The following GAS2 variants were observed in gnomAD, a reference collection of about 807,000 sequenced individuals.
GAS2 encodes growth arrest specific 2, also known as growth arrest-specific protein 2.
In GAS2, 20 loss-of-function variants were observed where a neutral mutation model predicts 37.5. The ratio of observed to expected loss-of-function variants is 0.53; its 90% CI spans 0.37 to 0.77. The LOEUF (loss-of-function observed/expected upper bound fraction) is 0.77. Among genes scored for constraint, GAS2 ranks in the 30% least tolerant of loss-of-function variants. The pLI, the probability that GAS2 is intolerant of heterozygous loss-of-function variation, is 0.00. For synonymous variants in GAS2, 144 were observed against 132.2 expected (o/e 1.09, Z -0.61); for missense variants, 336 against 373.4 (o/e 0.90, Z 0.82).
At chr11:22,793,378 A>G (rs1856269734) in intron 7 of GAS2, among the ~76,000 whole-genome samples, 2 of 152,216 alleles carry the variant, frequency 1.3e-5, no homozygotes, top group African/African-American at 4.8e-5. Flanking sequence ...ATTTTCTTCT[A>G]TGTTCATTAA....
chr11:22,668,697 C>T (rs555926228), intron 1 of GAS2, among the ~76,000 whole-genome samples: 2 of 152,258 alleles, frequency 1.3e-5, no homozygotes, highest in South Asian at 4.1e-4. Flanking sequence ...TTGTGTGTTA[C>T]TTAGAAATCT....
intron 6 of GAS2, among the ~76,000 whole-genome samples, chr11:22,754,738 C>T (rs145199903): frequency 1.4e-3 from 220 of 152,108 alleles, no homozygotes; most frequent in African/African-American, 5.0e-3. Context: ...ACTCTCTGCA[C>T]AGTTTTTGCT....
chr11:22,790,361 A>T (rs902453423), intron 7 of GAS2, among the ~76,000 whole-genome samples: 3 of 151,842 alleles, frequency 2.0e-5, no homozygotes, highest in Non-Finnish European at 2.9e-5. Context: ...AAAGTATAAT[A>T]AAAAAAATAG....
chr11:22,633,138 A>G (rs1858767478), intron 1 of GAS2, among the ~76,000 whole-genome samples: 1 of 152,114 alleles, frequency 6.6e-6, no homozygotes, highest in African/African-American at 2.4e-5. Flanking sequence ...ATGTTTTTAC[A>G]TATTGCTAGA....
At chr11:22,783,162 T>C (rs1038286392) in intron 7 of GAS2, among the ~76,000 whole-genome samples, 2 of 152,186 alleles carry the variant, frequency 1.3e-5, no homozygotes, top group Non-Finnish European at 2.9e-5. Flanking sequence ...TAGCATCTCA[T>C]TGTGGCTTTG....
In GAS2 at chr11:22,745,118, C is replaced by CAGA. The variant is rs374832037; in HGVS notation, c.474-4001_474-4000insGAA. 1.5e-4 allele frequency among the ~76,000 whole-genome samples: 19 copies of CAGA among 129,018 alleles called. No individual in the cohort carries two copies. The East Asian group carries it at 2.4e-3, about 17-fold the overall frequency. The allele number at this position is 129,018 out of a possible 152,430, so 84.6% of individuals were successfully genotyped here. On this transcript the variant is annotated intron_variant, in intron 5 of 7. Transcript: ENST00000454584. The stretch of plus-strand genomic sequence containing the variant: ...AAGTATTCTAAAATTCATTTGGAAC[C>CAGA]AAAAAAAAAAAAAAAGAAAGAAAAA...
At chr11:22,738,784 C>T (rs888277731) in intron 5 of GAS2, among the ~76,000 whole-genome samples, 1 of 152,154 alleles carries the variant, frequency 6.6e-6, no homozygotes, top group Admixed American at 6.5e-5. Flanking sequence ...GAATATGTAA[C>T]CTCAAGTTCT....
chr11:22,706,999 G>C (rs1851158296), intron 3 of GAS2, among the ~76,000 whole-genome samples: 2 of 152,070 alleles, frequency 1.3e-5, no homozygotes, highest in Admixed American at 1.3e-4. Context: ...AGCACCTGTT[G>C]TTTCCTGACT....
At chr11:22,771,578 T>C (rs1333022298) in intron 7 of GAS2, among the ~76,000 whole-genome samples, 1 of 152,170 alleles carries the variant, frequency 6.6e-6, no homozygotes, top group Admixed American at 6.5e-5. Context: ...TGAGGTTGCA[T>C]TGCACATAGG....
chr11:22,638,818 T>A (rs1858873962), intron 1 of GAS2, among the ~76,000 whole-genome samples: 1 of 152,082 alleles, frequency 6.6e-6, no homozygotes, highest in South Asian at 2.1e-4. Context: ...TATGAACAAG[T>A]AGAATTGGAC....
chr11:22,796,455 C>T (rs999655457), intron 7 of GAS2, among the ~76,000 whole-genome samples: 1 of 152,134 alleles, frequency 6.6e-6, no homozygotes, highest in East Asian at 1.9e-4. Flanking sequence ...ATTTTATCCT[C>T]TCAACTTCCC....
At chr11:22,760,520 C>G (rs945212069) in intron 7 of GAS2, among the ~76,000 whole-genome samples, 5 of 152,112 alleles carry the variant, frequency 3.3e-5, no homozygotes, top group Admixed American at 1.3e-4. Context: ...CAACGCAATT[C>G]AAAATCATTT....
chr11:22,729,940 T>C (rs1402792176), intron 4 of GAS2, among the ~76,000 whole-genome samples: 1 of 151,778 alleles, frequency 6.6e-6, no homozygotes, highest in Non-Finnish European at 1.5e-5. Flanking sequence ...TTTGATTAAG[T>C]TGTTCTGCTT....
intron 1 of GAS2, among the ~76,000 whole-genome samples, chr11:22,649,908 T>A (rs1396514455): frequency 2.6e-5 from 4 of 152,110 alleles, no homozygotes; most frequent in Non-Finnish European, 2.9e-5. Flanking sequence ...TTTTTGTGTC[T>A]CTATTTCCTT....
At chr11:22,748,668 A>G (rs1039338509) in intron 5 of GAS2, among the ~76,000 whole-genome samples, 1 of 152,090 alleles carries the variant, frequency 6.6e-6, no homozygotes, top group African/African-American at 2.4e-5. Flanking sequence ...CTGCTAAATC[A>G]TTTAAAGATG....
At chr11:22,689,275 C>T (rs1565088310) in intron 3 of GAS2, among the ~76,000 whole-genome samples, 1 of 152,078 alleles carries the variant, frequency 6.6e-6, no homozygotes, top group African/African-American at 2.4e-5. Context: ...CCCTCCGAAC[C>T]TAAAATAAAA....
chr11:22,750,272 A>G (rs1221407596), intron 6 of GAS2, among the ~76,000 whole-genome samples: 2 of 152,102 alleles, frequency 1.3e-5, no homozygotes, highest in Non-Finnish European at 2.9e-5. Context: ...CCAGGATATG[A>G]GCAGAAAAGA....
At chr11:22,664,694 T>C (rs1393820007), upstream of GAS2, among the ~76,000 whole-genome samples, 1 of 152,160 alleles carries the variant, frequency 6.6e-6, no homozygotes, top group Non-Finnish European at 1.5e-5. Flanking sequence ...AGAAAATACT[T>C]AGACAAAAGA....
chr11:22,675,964 G>T (rs1250786783), intron 2 of GAS2, among the ~76,000 whole-genome samples: 3 of 152,082 alleles, frequency 2.0e-5, no homozygotes, highest in Non-Finnish European at 2.9e-5. Flanking sequence ...TCAGGGTTTT[G>T]CTTGCTCTCC....
Sources: gnomAD v4.1 joint callset for allele counts (sites outside exome capture counted in the v4.1 genomes callset) on GRCh38, gnomAD v4.1.1 for gene constraint, MANE v1.5 for transcripts, NCBI Gene and HGNC (gene_info 2026-07-23, HGNC 2026-07-21) for gene names.